USP25: variants seen among roughly 807,000 people sequenced by gnomAD.
USP25 encodes ubiquitin specific peptidase 25, also known as ubiquitin carboxyl-terminal hydrolase 25.
A neutral mutation model predicts 158.5 loss-of-function variants in USP25; 85 were observed. That is an observed-to-expected ratio of 0.54 (90% CI 0.45 to 0.64). The LOEUF (loss-of-function observed/expected upper bound fraction) is 0.64. USP25 is among the 30% of genes least tolerant of loss of function. The pLI is 0.00. For synonymous variants in USP25, 464 were observed against 460.4 expected (o/e 1.01, Z -0.10); for missense variants, 1,242 against 1,327.3 (o/e 0.94, Z 1.00).
At chr21:15,859,149 T>C (rs2039297633) in intron 20 of USP25, among the ~76,000 whole-genome samples, 1 of 148,774 alleles carries the variant, frequency 6.7e-6, no homozygotes, top group South Asian at 2.1e-4. Flanking sequence ...ATATCTATAT[T>C]ATATAGCCTT....
intron 14 of USP25, among the ~76,000 whole-genome samples, chr21:15,829,239 G>T (rs946584706): frequency 6.6e-6 from 1 of 152,136 alleles, no homozygotes; most frequent in Non-Finnish European, 1.5e-5. Flanking sequence ...GGGGTTTGGT[G>T]TAAGATTATT....
At chr21:15,819,927 AG>A (rs1283852593) in intron 10 of USP25, among the ~76,000 whole-genome samples, 2 of 152,058 alleles carry the variant, frequency 1.3e-5, no homozygotes, top group African/African-American at 4.8e-5. Flanking sequence ...TATTTGAAAT[AG>A]TCTTTCTCTC....
intron 23 of USP25, among the ~76,000 whole-genome samples, chr21:15,873,993 C>T (rs1286513640): frequency 6.6e-6 from 1 of 152,050 alleles, no homozygotes; most frequent in Non-Finnish European, 1.5e-5. Flanking sequence ...ATTGAACAAA[C>T]CAAATGATGT....
At chr21:15,815,579 G>A (rs2036897776) in intron 9 of USP25, among the ~76,000 whole-genome samples, 1 of 152,130 alleles carries the variant, frequency 6.6e-6, no homozygotes, top group Non-Finnish European at 1.5e-5. Flanking sequence ...TGTGAGAGCT[G>A]GCATCCAAGG....
intron 4 of USP25, among the ~76,000 whole-genome samples, chr21:15,784,384 T>A (rs2035156722): frequency 6.6e-6 from 1 of 151,976 alleles, no homozygotes; most frequent in Non-Finnish European, 1.5e-5. Flanking sequence ...ACCAGCCTGA[T>A]GAACGTGGAG....
rs1372147740 is a variant in USP25, at chr21:15,850,301, C to T, written c.2547+429C>T. ...ATCATTAGGTACTAAATTGCTTTTT[C>T]GTTTATAAAATGATTTATTTATTAT... On this transcript the variant is annotated intron_variant, in intron 20 of 25. Coordinates refer to ENST00000400183, the MANE Select transcript of USP25 (RefSeq NM_001283041.3). 2.0e-5 allele frequency among the ~76,000 whole-genome samples: 3 copies of T among 151,578 alleles called. 1 individual carries two copies. The highest frequency in any genetic ancestry group is 6.6e-5 in the Admixed American group (1 of 15,226).
rs373072738 is a variant in USP25, at chr21:15,758,910, A to G, written c.46-3981A>G. On this transcript the variant is annotated intron_variant, in intron 1 of 25. Transcript: ENST00000400183. Reference sequence around the variant, plus strand: ...CAGGTCCCTCCCATGACACATGAGGATTATGGGAGCTACAACTCAATGTGA... The same window carrying G: ...CAGGTCCCTCCCATGACACATGAGGGTTATGGGAGCTACAACTCAATGTGA... 2.0e-5 allele frequency among the ~76,000 whole-genome samples: 3 copies of G among 152,270 alleles called. No individual in the cohort carries two copies. In the East Asian group the frequency reaches 5.8e-4, roughly 29 times the overall value.
At chr21:15,743,137 C>G (rs1215767238) in intron 1 of USP25, among the ~76,000 whole-genome samples, 1 of 152,226 alleles carries the variant, frequency 6.6e-6, no homozygotes, top group Non-Finnish European at 1.5e-5. Context: ...CTGCGCATGG[C>G]TTTGTGAATG....
intron 14 of USP25, among the ~76,000 whole-genome samples, 189 bp downstream of exon 14, chr21:15,827,392 C>T (rs1034194402): frequency 1.3e-5 from 2 of 152,104 alleles, no homozygotes; most frequent in Non-Finnish European, 2.9e-5. Context: ...TTCACAGGGA[C>T]CAAAAGATTT....
At chr21:15,812,521 G>A (rs2036718644) in intron 9 of USP25, among the ~76,000 whole-genome samples, 1 of 151,996 alleles carries the variant, frequency 6.6e-6, no homozygotes, top group Admixed American at 6.6e-5. Flanking sequence ...CGTGGTGGCA[G>A]GCGCCTGTAG....
Position 15,792,334 on chromosome 21 carries a change from T to C in USP25, c.555+670T>C, listed in dbSNP as rs1263672732. ...TTTAACAACTGTTATCAAAATTCTT[T>C]ATCATTCTCGGTTGACATTGATAAT... is the stretch of plus-strand genomic sequence containing the variant. On this transcript the variant is annotated intron_variant, in intron 5 of 25. Coordinates refer to ENST00000400183, the MANE Select transcript of USP25 (RefSeq NM_001283041.3). Among the ~76,000 whole-genome samples the C allele has an allele frequency of 4.6e-5, 7 of 151,704 alleles. No individual in the cohort carries two copies. In the East Asian group the frequency reaches 1.3e-3, roughly 29 times the overall value.
Position 15,730,103 on chromosome 21 carries a change from G to C in USP25, c.-291G>C, listed in dbSNP as rs1189594134. On this transcript the variant is annotated 5_prime_UTR_variant, in exon 1 of 26. Coordinates refer to ENST00000400183, the MANE Select transcript of USP25 (RefSeq NM_001283041.3). ...ACTGGCTCGCGCTCTCCCGTGCCCCGGCGTCCTCCGCCCGCTCATGGCCCG... is the reference window on the plus strand; with the variant it reads ...ACTGGCTCGCGCTCTCCCGTGCCCCCGCGTCCTCCGCCCGCTCATGGCCCG... The C allele has an allele frequency of 2.6e-5, 4 of 153,518 alleles. No homozygotes were observed. Among genetic ancestry groups the C allele is most frequent in the African/African-American group, 9.7e-5 (4 of 41,352 alleles). The allele number at this position is 153,518 out of a possible 1,614,324, so 9.5% of individuals were successfully genotyped here. A position where few individuals can be genotyped will look rare whatever the true frequency, so the allele number is the denominator to read the frequency against.
Position 15,843,469 on chromosome 21 carries a change from T to G in USP25, c.2337+929T>G, listed in dbSNP as rs144196695. Among the ~76,000 whole-genome samples, 122 of 152,344 alleles carry G rather than the reference T, an allele frequency of 8.0e-4. 3 individuals carry two copies. In the East Asian group the frequency reaches 0.015, roughly 19 times the overall value. On this transcript the variant is annotated intron_variant, in intron 18 of 25. Coordinates refer to ENST00000400183, the MANE Select transcript of USP25 (RefSeq NM_001283041.3). This position sits in a 1 kb window ranked among gnomAD's most constrained non-coding sequence, Gnocchi z 4.0. Reference sequence around the variant, plus strand: ...CTTTAGCCAAAATGTTCAAGAGATATGGTACTCTGTTAATTTTGTTTTGAT... The same window carrying G: ...CTTTAGCCAAAATGTTCAAGAGATAGGGTACTCTGTTAATTTTGTTTTGAT...
At chr21:15,833,602 A>C (rs1429889111) in intron 17 of USP25, 54 bp downstream of exon 17, 27 of 1,458,404 alleles carry the variant, frequency 1.9e-5, no homozygotes, top group Non-Finnish European at 2.4e-5. Context: ...TTTTATAATA[A>C]GATATGCTCA....
chr21:15,762,780 A>C (rs1381583985), intron 1 of USP25, 111 bp from the exon 2 acceptor site: 1 of 939,630 alleles, frequency 1.1e-6, no homozygotes, highest in African/African-American at 1.7e-5. Context: ...ACTCTAGTTT[A>C]CTTTATTCTG....
At chr21:15,753,422 G>A (rs915194576) in intron 1 of USP25, among the ~76,000 whole-genome samples, 8 of 152,158 alleles carry the variant, frequency 5.3e-5, no homozygotes, top group Non-Finnish European at 1.2e-4. Context: ...AATTCCTATA[G>A]TCCCGGGGGA....
chr21:15,758,441 C>G (rs939492821), intron 1 of USP25, among the ~76,000 whole-genome samples: 1 of 152,150 alleles, frequency 6.6e-6, no homozygotes, highest in Non-Finnish European at 1.5e-5. Flanking sequence ...GTCACAAGAT[C>G]TGATGATTTT....
Position 15,879,846 on chromosome 21 carries a change from G to A in USP25, c.*1371G>A, listed in dbSNP as rs1375360336. ...TGTTTGTAAAGGTATTAATGTACTA[G>A]TAAGGTGTTAATGACAAGGAATTAG... On this transcript the variant is annotated 3_prime_UTR_variant, in exon 26 of 26. Transcript: ENST00000400183. 6.6e-6 allele frequency: 1 copy of A among 152,498 alleles called. No homozygotes were observed. The highest frequency in any genetic ancestry group is 1.5e-5 in the Non-Finnish European group (1 of 68,010). 9.4% of individuals were successfully genotyped at this position (152,498 alleles called of 1,614,324 possible).
At chr21:15,799,199 A>T (rs190536192) in intron 5 of USP25, among the ~76,000 whole-genome samples, 1 of 151,390 alleles carries the variant, frequency 6.6e-6, no homozygotes, top group Admixed American at 6.6e-5. Flanking sequence ...TTCCATGGGC[A>T]TCCTGCATAT....
Sources: gnomAD v4.1 joint callset for allele counts (sites outside exome capture counted in the v4.1 genomes callset) on GRCh38, gnomAD v4.1.1 for gene constraint, Gnocchi (gnomAD v3.1) non-coding constraint, MANE v1.5 for transcripts, NCBI Gene and HGNC (gene_info 2026-07-23, HGNC 2026-07-21) for gene names.